Variants in ARPIN observed in about 807,000 individuals in gnomAD.
ARPIN encodes UPF0552 protein C15orf38.
Under a neutral mutation model 25.9 loss-of-function variants are expected in ARPIN, and 23 were observed. The observed-to-expected ratio is 0.89, with a 90% CI of 0.64 to 1.26. The LOEUF (loss-of-function observed/expected upper bound fraction) is 1.26, where lower values mean the gene tolerates loss of function less well. ARPIN is among the 50% of genes most tolerant of loss of function. The pLI is 0.00. For missense variants in ARPIN, 333 were observed against 312.2 expected (o/e 1.07, Z -0.50); for synonymous variants, 126 against 131.4 (o/e 0.96, Z 0.28).
Position 89,903,386 on chromosome 15 carries a change from G to A in ARPIN, c.509-7C>T, listed in dbSNP as rs972726373. ...TCAAGTTTGGCCAATGAATCTGAAA[G>A]AAGAGATGAAATTGAATGTCCTCTG... On this transcript the variant is annotated splice_region_variant and splice_polypyrimidine_tract_variant and intron_variant, in intron 4 of 5. Transcript: ENST00000357484. 1.7e-5 allele frequency: 28 copies of A among 1,614,088 alleles called. No homozygotes were observed. The highest frequency in any genetic ancestry group is 2.3e-5 in the Non-Finnish European group (27 of 1,180,026).
intron 1 of ARPIN, 80 bp downstream of exon 1, chr15:89,912,664 C>CT: frequency 2.2e-6 from 1 of 452,900 alleles, no homozygotes; most frequent in South Asian, 7.6e-5. Flanking sequence ...CCACCCGCAT[C>CT]CCACCCCCCC....
intron 2 of ARPIN, 101 bp from the exon 3 acceptor site, chr15:89,908,513 A>G: frequency 1.9e-6 from 3 of 1,538,644 alleles, no homozygotes; most frequent in Non-Finnish European, 2.6e-6. Context: ...CTACCCTAGA[A>G]GCCCACCTCA....
In ARPIN at chr15:89,896,218, A is replaced by G. The variant is rs537125813; in HGVS notation, c.*5577T>C. On this transcript the variant is annotated 3_prime_UTR_variant, in exon 6 of 6. Coordinates refer to ENST00000357484, the MANE Select transcript of ARPIN (RefSeq NM_182616.4). ...CCAGTTTTTAAATAAATAAAAACCAAAAGTCAGTTGCACTGAAACTTGACA... is the reference window on the plus strand; with the variant it reads ...CCAGTTTTTAAATAAATAAAAACCAGAAGTCAGTTGCACTGAAACTTGACA... 5 of 152,330 alleles carry G rather than the reference A, an allele frequency of 3.3e-5. No homozygotes were observed. The South Asian group carries it at 8.3e-4, about 25-fold the overall frequency. 9.4% of individuals were successfully genotyped at this position (152,330 alleles called of 1,614,324 possible). A position where few individuals can be genotyped will look rare whatever the true frequency, so the allele number is the denominator to read the frequency against.
At position 89,899,908 on chromosome 15, in the gene ARPIN, T is replaced by C. The variant is rs3853638; in HGVS notation, c.*1887A>G. ...CCCATTCTCTGAGCTCCAGACACAA[T>C]GGTCTTTCCCTTCCTGAAGCCCATC... On this transcript the variant is annotated 3_prime_UTR_variant, in exon 6 of 6. Transcript: ENST00000357484. 0.49 allele frequency: 74,673 copies of C among 152,288 alleles called. 18,767 individuals carry two copies. Among genetic ancestry groups the C allele is most frequent in the East Asian group, 0.67 (3,436 of 5,166 alleles). The allele number at this position is 152,288 out of a possible 1,614,324, so 9.4% of individuals were successfully genotyped here.
intron 1 of ARPIN, 83 bp downstream of exon 1, chr15:89,912,661 C>CCG: frequency 8.8e-7 from 1 of 1,136,426 alleles, no homozygotes; most frequent in Non-Finnish European, 1.1e-6. Context: ...CCCCCACCCG[C>CCG]ATCCCACCCC....
chr15:89,902,586 C>G (rs1897040374), intron 5 of ARPIN, among the ~76,000 whole-genome samples: 1 of 152,076 alleles, frequency 6.6e-6, no homozygotes, highest in South Asian at 2.1e-4. Context: ...TGCCTATAGT[C>G]CCAGCTACTT....
chr15:89,908,914 C>T (rs569556675), intron 2 of ARPIN, among the ~76,000 whole-genome samples: 2 of 152,146 alleles, frequency 1.3e-5, no homozygotes, highest in East Asian at 3.9e-4. Context: ...GCCCAGGAGG[C>T]GGAGGTTGCT....
chr15:89,908,447 T>C, intron 2 of ARPIN, 35 bp from the exon 3 acceptor site: 1 of 1,611,772 alleles, frequency 6.2e-7, no homozygotes, highest in Non-Finnish European at 8.5e-7. Flanking sequence ...AGGGGGCGGC[T>C]TCATCCCACA....
intron 5 of ARPIN, among the ~76,000 whole-genome samples, chr15:89,902,052 A>C (rs924641330): frequency 4.6e-5 from 7 of 152,204 alleles, no homozygotes; most frequent in Admixed American, 4.6e-4. Flanking sequence ...TTTCTCTGGC[A>C]AAAGACATCA....
intron 2 of ARPIN, among the ~76,000 whole-genome samples, chr15:89,909,650 A>C (rs1256826): frequency 6.6e-6 from 1 of 152,156 alleles, no homozygotes; most frequent in African/African-American, 2.4e-5. Flanking sequence ...CATTTGTCCT[A>C]TTGGCAGCAG....
chr15:89,903,299 C>G lies in ARPIN; in HGVS notation c.589G>C (p.Asp197His). Reference protein sequence around the residue: ...GDGKTGASWTDNIMAQKCSKG... With the variant: ...GDGKTGASWTHNIMAQKCSKG... ...GAACACTTTTGGGCCATGATGTTGT[C>G]TGTCCAGGATGCCCCTGTCTTTCCA... Residue 197 changes from aspartate to histidine, a missense_variant, in exon 5 of 6, where the codon GAC (aspartate) becomes CAC (histidine). By Grantham distance (81) the Asp-to-His change is moderately conservative. Transcript: ENST00000357484. The G allele has an allele frequency of 2.5e-6, 4 of 1,614,248 alleles. No homozygotes were observed. The highest frequency in any genetic ancestry group is 3.4e-6 in the Non-Finnish European group (4 of 1,180,046).
rs182350033 is a variant in ARPIN at position 89,898,362 on chromosome 15, C to T, written c.*3433G>A. 1.3e-5 allele frequency: 2 copies of T among 152,260 alleles called. No individual in the cohort carries two copies. Among genetic ancestry groups the T allele is most frequent in the African/African-American group, 4.8e-5 (2 of 41,520 alleles). The allele number at this position is 152,260 out of a possible 1,614,324, so 9.4% of individuals were successfully genotyped here. A position where few individuals can be genotyped will look rare whatever the true frequency, so the allele number is the denominator to read the frequency against. On this transcript the variant is annotated 3_prime_UTR_variant, in exon 6 of 6. Coordinates refer to ENST00000357484, the MANE Select transcript of ARPIN (RefSeq NM_182616.4). ...CCTGCTCTGGGAACAGCCAGCCCCT[C>T]CATGGGACCAACACAGCCCTTCCCA...
intron 3 of ARPIN, among the ~76,000 whole-genome samples, chr15:89,907,544 A>G (rs1251874589): frequency 6.6e-6 from 1 of 152,170 alleles, no homozygotes; most frequent in Non-Finnish European, 1.5e-5. Flanking sequence ...ACTCAGCAAG[A>G]AGGCACCGTC....
chr15:89,904,108 G>T (rs1051674322), intron 3 of ARPIN, 125 bp from the exon 4 acceptor site: 2 of 1,195,744 alleles, frequency 1.7e-6, no homozygotes, highest in South Asian at 3.2e-5. Flanking sequence ...GGGACTCAGT[G>T]CCCATTCTGC....
At chr15:89,904,651 G>T (rs772789690) in intron 3 of ARPIN, among the ~76,000 whole-genome samples, 4 of 152,132 alleles carry the variant, frequency 2.6e-5, no homozygotes, top group Non-Finnish European at 5.9e-5. Flanking sequence ...GGGCACTCCC[G>T]GACTGTGAAG....
rs1161994396 is a variant in ARPIN at position 89,899,348 on chromosome 15, G to C, written c.*2447C>G. On this transcript the variant is annotated 3_prime_UTR_variant, in exon 6 of 6. Coordinates refer to ENST00000357484, the MANE Select transcript of ARPIN (RefSeq NM_182616.4). ...GATCCGCCCACCTCGGCCTCCCAAAGTGCTAAGATTACAGGCGTGAGCGAC... is the reference window on the plus strand; with the variant it reads ...GATCCGCCCACCTCGGCCTCCCAAACTGCTAAGATTACAGGCGTGAGCGAC... 1.3e-5 allele frequency: 2 copies of C among 152,550 alleles called. No individual in the cohort carries two copies. The highest frequency in any genetic ancestry group is 3.9e-4 in the East Asian group (2 of 5,192). The allele number at this position is 152,550 out of a possible 1,614,324, so 9.4% of individuals were successfully genotyped here.
Position 89,901,821 on chromosome 15 carries a change from G to A in ARPIN, c.673-18C>T, listed in dbSNP as rs755622738. ...CAGTCATCCTAGAGAAATCCAAGGGGTAAAGAGATGTGGAGACAGCACATG... is the reference window on the plus strand; with the variant it reads ...CAGTCATCCTAGAGAAATCCAAGGGATAAAGAGATGTGGAGACAGCACATG... On this transcript the variant is annotated intron_variant, in intron 5 of 5. Transcript: ENST00000357484. 3.7e-6 allele frequency: 6 copies of A among 1,613,672 alleles called. No homozygotes were observed. Among genetic ancestry groups the A allele is most frequent in the African/African-American group, 1.3e-5 (1 of 75,052 alleles).
In ARPIN at chr15:89,908,387, C is replaced by T. The variant is rs199878966; in HGVS notation, c.194G>A (p.Arg65Gln). 1.5e-4 allele frequency: 236 copies of T among 1,614,010 alleles called. 1 individual carries two copies. The African/African-American group carries it at 2.6e-3, about 18-fold the overall frequency. The change falls in exon 3 of 6, where the codon CGG (arginine) becomes CAG (glutamine). Residue 65 changes from arginine to glutamine, a missense_variant. Coordinates refer to ENST00000357484, the MANE Select transcript of ARPIN (RefSeq NM_182616.4). ...RKERYYVLYI[R>Q]PSHIHRRKFD... ...TTTACGGCGATGGATGTGACTGGGC[C>T]GGATATACAGCACGTAGTAGCGCTC... is the stretch of plus-strand genomic sequence containing the variant.
intron 5 of ARPIN, among the ~76,000 whole-genome samples, chr15:89,902,285 G>A (rs190214008): frequency 1.0e-3 from 159 of 152,154 alleles, no homozygotes; most frequent in Non-Finnish European, 2.0e-3. Context: ...GCGCATGCCT[G>A]TAATCCCAGC....
Sources: allele counts gnomAD v4.1 joint callset (sites outside exome capture counted in the v4.1 genomes callset), GRCh38; gene constraint gnomAD v4.1.1; transcripts MANE v1.5; gene names NCBI Gene and HGNC (gene_info 2026-07-23, HGNC 2026-07-21).